SP140: variants seen among roughly 807,000 people sequenced by gnomAD.
The protein encoded by SP140 is SP140 nuclear body protein.
A neutral mutation model predicts 125.0 loss-of-function variants in SP140; 81 were observed. The observed-to-expected ratio is 0.65, with a 90% confidence interval of 0.54 to 0.78. The LOEUF is 0.78. Ranked by LOEUF, SP140 falls within the 30% of genes least tolerant of loss-of-function variation. The probability of loss-of-function intolerance (pLI) is 0.00; values close to 1 mark genes in which losing one functional copy is unlikely to be tolerated. For missense variants in SP140, 858 were observed against 1,037.0 expected (o/e 0.83, Z 2.37); for synonymous variants, 312 against 354.0 (o/e 0.88, Z 1.33).
At chr2:230,233,823 G>T (rs570818594) in intron 1 of SP140, among the ~76,000 whole-genome samples, 1 of 152,146 alleles carries the variant, frequency 6.6e-6, no homozygotes, top group Non-Finnish European at 1.5e-5. Flanking sequence ...CATTCAATCC[G>T]TTGTGACATC....
intron 15 of SP140, among the ~76,000 whole-genome samples, chr2:230,274,468 A>C (rs2054414565): frequency 6.6e-6 from 1 of 152,200 alleles, no homozygotes; most frequent in African/African-American, 2.4e-5. Flanking sequence ...GGGGTCCATC[A>C]ACTAAAGAAT....
At chr2:230,192,570 C>T in the SP140 span, among the ~76,000 whole-genome samples, 1 of 152,100 alleles carries the variant, frequency 6.6e-6, no homozygotes, top group Non-Finnish European at 1.5e-5. Context: ...AGGAATACAG[C>T]TAACAGAGGA....
intron 20 of SP140, 39 bp downstream of exon 20, chr2:230,292,827 T>C (rs749281350): frequency 1.4e-5 from 22 of 1,612,136 alleles, no homozygotes; most frequent in Non-Finnish European, 1.8e-5. Context: ...TGTTCCTTCT[T>C]GTTCCCTAAT....
intron 15 of SP140, among the ~76,000 whole-genome samples, chr2:230,282,022 T>C (rs1054109836): frequency 6.6e-6 from 1 of 152,120 alleles, no homozygotes; most frequent in Non-Finnish European, 1.5e-5. Context: ...CATAGGTGTG[T>C]GCAGCAGCAG....
In SP140 at chr2:230,225,890, A is replaced by C. The variant is rs777415782; in HGVS notation, c.46A>C (p.Asn16His). 2 of 1,613,620 alleles carry C rather than the reference A, an allele frequency of 1.2e-6. No homozygotes were observed. The highest frequency in any genetic ancestry group is 2.7e-5 in the African/African-American group (2 of 74,910). ...GGGGCAGATGGCAAGTGGAGACAGC[A>C]ATCTCAACTTCAGGTGGGTCATCGT... is the stretch of plus-strand genomic sequence containing the variant. The part of the protein sequence containing the change: ...QQGQMASGDS[N>H]LNFRMVAEIQ... Residue 16 changes from asparagine (N) to histidine (H), a missense_variant, in exon 1 of 27, where the codon AAT becomes CAT. By Grantham distance (68) the Asn-to-His change is moderately conservative. Coordinates refer to ENST00000392045, the MANE Select transcript of SP140 (RefSeq NM_007237.5).
intron 11 of SP140, among the ~76,000 whole-genome samples, chr2:230,254,138 T>C (rs1244117539): frequency 6.6e-6 from 1 of 152,018 alleles, no homozygotes; most frequent in African/African-American, 2.4e-5. Flanking sequence ...CAAATACAAA[T>C]GACAACAATG....
intron 7 of SP140, 138 bp downstream of exon 7, chr2:230,246,078 C>A (rs1405093090): frequency 1.9e-5 from 12 of 626,534 alleles, no homozygotes; most frequent in Non-Finnish European, 3.5e-5. Context: ...TCCATCCATC[C>A]ATATATCCAT....
intron 3 of SP140, among the ~76,000 whole-genome samples, chr2:230,239,776 G>A (rs529951249): frequency 6.6e-5 from 10 of 152,234 alleles, no homozygotes; most frequent in East Asian, 3.9e-4. Flanking sequence ...TTTGTCCCAC[G>A]TTTTTAATCT....
chr2:230,221,810 G>A, upstream of SP140: 1 of 1,267,740 alleles, frequency 7.9e-7, no homozygotes, highest in South Asian at 1.3e-5. Context: ...CCAGGCAAAT[G>A]CAAAACAAAC....
chr2:230,307,597 G>A (rs2058881436), intron 22 of SP140, among the ~76,000 whole-genome samples: 1 of 152,202 alleles, frequency 6.6e-6, no homozygotes, highest in Admixed American at 6.5e-5. Context: ...CTTGCAGAGA[G>A]CCAGTGCTCA....
intron 14 of SP140, among the ~76,000 whole-genome samples, chr2:230,270,266 C>T (rs2053742110): frequency 6.6e-6 from 1 of 152,148 alleles, no homozygotes; most frequent in Admixed American, 6.5e-5. Flanking sequence ...TGAACTTCTG[C>T]TGGTAGATAA....
intron 10 of SP140, 113 bp from the exon 11 acceptor site, chr2:230,253,203 A>G (rs1035545542): frequency 1.7e-5 from 13 of 746,818 alleles, no homozygotes; most frequent in Non-Finnish European, 3.0e-5. Context: ...GAGGAGATGT[A>G]ACAAGATGGA....
At chr2:230,231,420 A>G (rs540494617) in intron 1 of SP140, among the ~76,000 whole-genome samples, 1 of 152,326 alleles carries the variant, frequency 6.6e-6, no homozygotes, top group East Asian at 1.9e-4. Flanking sequence ...GAAATGGGCC[A>G]TATCTAATGT....
At chr2:230,243,657 T>G in intron 4 of SP140, 74 bp from the exon 5 acceptor site, 1 of 1,208,940 alleles carries the variant, frequency 8.3e-7, no homozygotes, top group East Asian at 2.4e-5. Flanking sequence ...AGTTTTCTCA[T>G]TATTTGTTTT....
the SP140 span, among the ~76,000 whole-genome samples, chr2:230,188,335 A>G: frequency 6.6e-6 from 1 of 152,080 alleles, no homozygotes; most frequent in Non-Finnish European, 1.5e-5. Context: ...TGTACATTTG[A>G]TTTTGTAACC....
chr2:230,267,669 C>T (rs960056418), intron 12 of SP140, among the ~76,000 whole-genome samples: 4 of 152,024 alleles, frequency 2.6e-5, no homozygotes, highest in African/African-American at 4.8e-5. Flanking sequence ...AACATTTTGT[C>T]GGGGAGATTA....
intron 1 of SP140, among the ~76,000 whole-genome samples, chr2:230,229,814 C>T (rs1019405401): frequency 2.6e-5 from 4 of 151,810 alleles, no homozygotes; most frequent in Non-Finnish European, 5.9e-5. Flanking sequence ...ATATGGAAGC[C>T]TACATAGGCT....
intron 2 of SP140, chr2:230,213,939 G>C (rs114030565): frequency 6.6e-6 from 1 of 152,238 alleles, no homozygotes. Context: ...TGTAGCTCAA[G>C]AAATCATCTC....
intron 1 of SP140, among the ~76,000 whole-genome samples, chr2:230,226,560 T>C (rs924604319): frequency 5.9e-5 from 9 of 152,030 alleles, no homozygotes; most frequent in Admixed American, 4.6e-4. Flanking sequence ...TGTAAGACAA[T>C]GAGACCAGTC....
Sources: gnomAD v4.1 joint callset for allele counts (sites outside exome capture counted in the v4.1 genomes callset) on GRCh38, gnomAD v4.1.1 for gene constraint, MANE v1.5 for transcripts, NCBI Gene and HGNC (gene_info 2026-07-23, HGNC 2026-07-21) for gene names.